BBS9: variants seen among roughly 807,000 people sequenced by gnomAD.
BBS9 encodes protein PTHB1.
In BBS9, 89 loss-of-function variants were observed where a neutral mutation model predicts 117.7. That is an observed-to-expected ratio of 0.76 (90% CI 0.64 to 0.90). The LOEUF is 0.90. BBS9 is among the 40% of genes least tolerant of loss of function. BBS9 has a pLI of 0.00. For synonymous variants in BBS9, 379 were observed against 370.9 expected (o/e 1.02, Z -0.25); for missense variants, 982 against 1,042.2 (o/e 0.94, Z 0.80).
At chr7:33,625,678 T>C (rs1463602290) in intron 21 of BBS9, among the ~76,000 whole-genome samples, 2 of 152,210 alleles carry the variant, frequency 1.3e-5, no homozygotes, top group Non-Finnish European at 2.9e-5. Flanking sequence ...CTTACCATGA[T>C]TTTTATGTCT....
chr7:33,407,884 G>T (rs914240513), intron 19 of BBS9, among the ~76,000 whole-genome samples: 1 of 152,218 alleles, frequency 6.6e-6, no homozygotes, highest in African/African-American at 2.4e-5. Context: ...GTGGGTCAGG[G>T]GTCAGGGACC....
chr7:33,260,044 G>C (rs1797719765), intron 6 of BBS9, among the ~76,000 whole-genome samples: 1 of 145,552 alleles, frequency 6.9e-6, no homozygotes, highest in Non-Finnish European at 1.5e-5. Context: ...CTGTCGCCCA[G>C]GCTGGAGTGC....
chr7:33,613,843 C>G (rs1299994655), intron 21 of BBS9, among the ~76,000 whole-genome samples: 11 of 151,976 alleles, frequency 7.2e-5, no homozygotes, highest in Admixed American at 5.9e-4. Flanking sequence ...AAAGACATAT[C>G]ATGAATAACA....
intron 19 of BBS9, among the ~76,000 whole-genome samples, chr7:33,444,040 T>TC (rs1836617356): frequency 6.6e-6 from 1 of 152,164 alleles, no homozygotes; most frequent in Admixed American, 6.5e-5. Flanking sequence ...TCCTCTTCTT[T>TC]CCCCCTGAGG....
chr7:33,596,166 T>C (rs1269174460), intron 21 of BBS9, among the ~76,000 whole-genome samples: 4 of 151,200 alleles, frequency 2.6e-5, no homozygotes, highest in Non-Finnish European at 4.4e-5. Flanking sequence ...TCTGCACTTG[T>C]ATCCTGGAAC....
At chr7:33,399,492 G>A (rs939908524) in intron 19 of BBS9, among the ~76,000 whole-genome samples, 1 of 152,194 alleles carries the variant, frequency 6.6e-6, no homozygotes, top group African/African-American at 2.4e-5. Context: ...TCATCTCTCT[G>A]AGCTTCACCT....
chr7:33,524,791 C>G (rs1350721425), intron 20 of BBS9, among the ~76,000 whole-genome samples: 1 of 152,110 alleles, frequency 6.6e-6, no homozygotes, highest in African/African-American at 2.4e-5. Flanking sequence ...CTTCTTCTAG[C>G]TTTTGAATGT....
chr7:33,227,519 G>T (rs754537176), intron 5 of BBS9, among the ~76,000 whole-genome samples: 3 of 151,988 alleles, frequency 2.0e-5, no homozygotes, highest in Non-Finnish European at 4.4e-5. Flanking sequence ...ACATAGATAA[G>T]TTCTTTAGTG....
In BBS9 at chr7:33,616,491, G is replaced by GTATA. The variant is rs1255562311; in HGVS notation, c.2522-18685_2522-18684insATAT. On this transcript the variant is annotated intron_variant, in intron 21 of 21. Coordinates refer to the BBS9 transcript ENST00000671952. ...CTTTATATAATATATGTGTGTGTGT[G>GTATA]TGTATATATATATATATATATATAT... Among the ~76,000 whole-genome samples, 1,289 of 138,628 alleles carry GTATA rather than the reference G, an allele frequency of 9.3e-3. 22 individuals carry two copies. The highest frequency in any genetic ancestry group is 0.031 in the African/African-American group (1,117 of 36,382). 90.9% of individuals were successfully genotyped at this position (138,628 alleles called of 152,430 possible).
chr7:33,336,184 G>C (rs1815317779), intron 9 of BBS9, among the ~76,000 whole-genome samples: 1 of 152,138 alleles, frequency 6.6e-6, no homozygotes, highest in African/African-American at 2.4e-5. Flanking sequence ...TTTGTAGTTA[G>C]GTCCCCAAAA....
intron 2 of BBS9, among the ~76,000 whole-genome samples, chr7:33,148,679 T>TA (rs1168282400): frequency 3.4e-5 from 5 of 148,010 alleles, no homozygotes; most frequent in African/African-American, 1.3e-4. Context: ...TTTTTTTTTT[T>TA]AATGGAGACA....
At chr7:33,281,366 C>CTTTTT (rs397890694) in intron 9 of BBS9, among the ~76,000 whole-genome samples, 3 of 43,884 alleles carry the variant, frequency 6.8e-5, no homozygotes, top group Non-Finnish European at 7.9e-5. Context: ...TGGTCTATGC[C>CTTTTT]TTTTTTTTTT....
intron 21 of BBS9, among the ~76,000 whole-genome samples, chr7:33,546,123 C>T (rs1473600970): frequency 1.3e-5 from 2 of 151,708 alleles, no homozygotes; most frequent in African/African-American, 4.8e-5. Flanking sequence ...TTAGTAGAGA[C>T]AGGGTTTCAC....
chr7:33,596,577 A>C lies in BBS9; in HGVS notation c.2522-8288A>C, dbSNP rs1002681521. On this transcript the variant is annotated intron_variant, in intron 21 of 22. Coordinates refer to ENST00000242067, the MANE Select transcript of BBS9 (RefSeq NM_198428.3). ...CCACTTTTTCTCCATAACTTTTTGCATTTTGTCTCCATTGTACCCCTTGTG... is the reference window on the plus strand; with the variant it reads ...CCACTTTTTCTCCATAACTTTTTGCCTTTTGTCTCCATTGTACCCCTTGTG... Among the ~76,000 whole-genome samples the C allele has an allele frequency of 2.0e-5, 3 of 151,950 alleles. No homozygotes were observed. The South Asian group carries it at 6.2e-4, about 32-fold the overall frequency.
At chr7:33,322,335 G>A (rs1337869183) in intron 9 of BBS9, among the ~76,000 whole-genome samples, 2 of 142,842 alleles carry the variant, frequency 1.4e-5, no homozygotes, top group Non-Finnish European at 3.0e-5. Flanking sequence ...TAATTCAGCA[G>A]TGAAATCACT....
At chr7:33,626,786 A>G (rs936553062) in intron 21 of BBS9, among the ~76,000 whole-genome samples, 14 of 152,226 alleles carry the variant, frequency 9.2e-5, no homozygotes, top group African/African-American at 3.1e-4. Flanking sequence ...TAAGCAGCAA[A>G]GCATTAAATA....
Position 33,431,536 on chromosome 7 carries a change from G to A in BBS9, c.2115+43392G>A, listed in dbSNP as rs928706357. ...GGTGGTGCTATCACAAATAGGATCAGTGCCTCCATAAGGAGGCCCCAGAGG... is the reference window on the plus strand; with the variant it reads ...GGTGGTGCTATCACAAATAGGATCAATGCCTCCATAAGGAGGCCCCAGAGG... On this transcript the variant is annotated intron_variant, in intron 19 of 22. Transcript: ENST00000242067. Among the ~76,000 whole-genome samples the A allele has an allele frequency of 4.6e-5, 7 of 152,292 alleles. No individual in the cohort carries two copies. In the South Asian group the frequency reaches 1.4e-3, roughly 32 times the overall value.
At chr7:33,211,214 T>C in intron 5 of BBS9, among the ~76,000 whole-genome samples, 1 of 152,164 alleles carries the variant, frequency 6.6e-6, no homozygotes, top group Non-Finnish European at 1.5e-5. Flanking sequence ...CATTTTGTTA[T>C]TTTTTTCTGG....
chr7:33,332,708 CAAA>C (rs780754251), intron 9 of BBS9, among the ~76,000 whole-genome samples: 6 of 127,908 alleles, frequency 4.7e-5, no homozygotes, highest in Non-Finnish European at 8.5e-5. Flanking sequence ...ACAACAACAA[CAAA>C]AACAAAAAAG....
Sources: allele counts gnomAD v4.1 joint callset (sites outside exome capture counted in the v4.1 genomes callset), GRCh38; gene constraint gnomAD v4.1.1; transcripts MANE v1.5; gene names NCBI Gene and HGNC (gene_info 2026-07-23, HGNC 2026-07-21).